Variants in CENPP observed in about 807,000 individuals in gnomAD.
CENPP encodes the protein centromere protein P.
Under a neutral mutation model 35.6 loss-of-function variants are expected in CENPP, and 24 were observed. That is an observed-to-expected ratio of 0.67 (90% CI 0.49 to 0.95). CENPP has a LOEUF of 0.95. Among genes scored for constraint, CENPP ranks in the 40% least tolerant of loss-of-function variants. The pLI is 0.00. For synonymous variants in CENPP, 120 were observed against 125.5 expected, an observed-to-expected ratio of 0.96 and a Z score of 0.29; for missense variants, 332 against 345.3, an observed-to-expected ratio of 0.96 and a Z score of 0.31.
chr9:92,432,303 C>T (rs1301373802), intron 5 of CENPP, among the ~76,000 whole-genome samples: 2 of 150,328 alleles, frequency 1.3e-5, no homozygotes, highest in Admixed American at 6.6e-5. Context: ...CCAGCCTGGG[C>T]GACAAGAGCG....
intron 5 of CENPP, among the ~76,000 whole-genome samples, chr9:92,421,402 A>G (rs1257234794): frequency 6.6e-6 from 1 of 152,206 alleles, no homozygotes. Context: ...TAATTTAATG[A>G]ATTAACATAT....
At chr9:92,352,503 G>GTATAAATA (rs1554753073) in intron 4 of CENPP, among the ~76,000 whole-genome samples, 1 of 68,996 alleles carries the variant, frequency 1.4e-5, no homozygotes, top group Non-Finnish European at 2.5e-5. Context: ...GTGTGTGTGT[G>GTATAAATA]TGTATACATA....
chr9:92,472,531 G>A (rs1041975144), intron 5 of CENPP, among the ~76,000 whole-genome samples: 12 of 151,606 alleles, frequency 7.9e-5, no homozygotes, highest in Non-Finnish European at 1.3e-4. Context: ...GGTGGTGTGC[G>A]CCTTTAATCC....
At chr9:92,448,401 C>G (rs565500800) in intron 5 of CENPP, among the ~76,000 whole-genome samples, 2 of 151,968 alleles carry the variant, frequency 1.3e-5, no homozygotes, top group Non-Finnish European at 2.9e-5. Flanking sequence ...TCCCAAGTAG[C>G]TGGGATTACA....
intron 5 of CENPP, among the ~76,000 whole-genome samples, chr9:92,482,896 C>A (rs1009319381): frequency 1.3e-5 from 2 of 151,632 alleles, no homozygotes; most frequent in African/African-American, 4.8e-5. Flanking sequence ...TTGCATTATG[C>A]ATACTTCTCC....
intron 5 of CENPP, among the ~76,000 whole-genome samples, chr9:92,551,969 ATATATATGTGTGTG>A (rs776110052): frequency 0.32 from 36,356 of 112,386 alleles, 10,370 homozygotes; most frequent in African/African-American, 0.67. Context: ...TATATGTGTG[ATATATATGTGTGTG>A]TATATATGTG....
At chr9:92,434,811 A>G (rs1024476671) in intron 5 of CENPP, among the ~76,000 whole-genome samples, 7 of 152,088 alleles carry the variant, frequency 4.6e-5, no homozygotes, top group African/African-American at 1.2e-4. Flanking sequence ...GGGAGCCTGA[A>G]GCGGACGGAT....
chr9:92,470,601 A>G (rs1845475211), intron 5 of CENPP: 1 of 840,372 alleles, frequency 1.2e-6, no homozygotes, highest in Admixed American at 3.2e-5. Flanking sequence ...ACATAGTATA[A>G]TTAATCATTA....
intron 5 of CENPP, among the ~76,000 whole-genome samples, chr9:92,599,741 T>C (rs972094300): frequency 6.6e-6 from 1 of 152,126 alleles, no homozygotes. Context: ...TTAATCTGCT[T>C]TCCTCCTGTT....
chr9:92,361,128 CTTTATTTATTTA>C (rs536927713), intron 4 of CENPP, among the ~76,000 whole-genome samples: 21 of 150,478 alleles, frequency 1.4e-4, no homozygotes, highest in African/African-American at 4.1e-4. Flanking sequence ...TATTATTTTA[CTTTATTTATTTA>C]TTTATTTATT....
rs1338574611 is a variant in CENPP, at chr9:92,618,878, G to C, written c.*5729G>C. On this transcript the variant is annotated 3_prime_UTR_variant, in exon 8 of 8. Transcript: ENST00000375587. ...ATGTGGAACATTCCGCAAATACTGG[G>C]TGCAGGGTTTAGCACCCCTGAAGAT... is the stretch of plus-strand genomic sequence containing the variant. 1 of 341,784 alleles carries C rather than the reference G, an allele frequency of 2.9e-6. No homozygotes were observed. The highest frequency in any genetic ancestry group is 7.6e-5 in the East Asian group (1 of 13,088). The allele number at this position is 341,784 out of a possible 1,614,324, so 21.2% of individuals were successfully genotyped here.
chr9:92,424,845 C>T (rs190472641), intron 5 of CENPP, among the ~76,000 whole-genome samples: 2 of 151,964 alleles, frequency 1.3e-5, no homozygotes, highest in Admixed American at 6.6e-5. Context: ...TGGCTAATTT[C>T]TTGTATTTTT....
chr9:92,522,428 C>A, intron 5 of CENPP: 1 of 963,356 alleles, frequency 1.0e-6, no homozygotes. Flanking sequence ...GTAGATTAAA[C>A]CAAAAAGTAA....
chr9:92,545,527 T>G (rs1171155462), intron 5 of CENPP, among the ~76,000 whole-genome samples: 1 of 91,258 alleles, frequency 1.1e-5, no homozygotes, highest in Non-Finnish European at 2.0e-5. Context: ...AGACTGAGCC[T>G]CCCGCCCCGC....
In CENPP at chr9:92,613,109, A is replaced by G; in HGVS notation, c.827A>G (p.Glu276Gly). ...VGLLGIEAAL[E>G]SLIKSLCAEE... Reference sequence around the variant, plus strand: ...CTGCTTGGAATCGAAGCTGCTCTGGAAAGCCTGATAAAATCGCTTTGTGCA... The same window carrying G: ...CTGCTTGGAATCGAAGCTGCTCTGGGAAGCCTGATAAAATCGCTTTGTGCA... The change falls in exon 8 of 8, where the codon GAA (glutamate) becomes GGA (glycine). Residue 276 changes from glutamate to glycine, a missense_variant. By Grantham distance (98) the Glu-to-Gly change is moderately conservative. Transcript: ENST00000375587. The G allele has an allele frequency of 6.2e-7, 1 of 1,614,226 alleles. No individual in the cohort carries two copies.
intron 5 of CENPP, among the ~76,000 whole-genome samples, chr9:92,506,593 C>T (rs958904218): frequency 4.6e-5 from 7 of 152,124 alleles, no homozygotes; most frequent in African/African-American, 1.2e-4. Context: ...TGTGGGACTC[C>T]GTTCTGCTCT....
In CENPP at chr9:92,332,199, AT is replaced by A. The variant is rs747868433; in HGVS notation, c.140del (p.Leu47TrpfsTer10). ...QKSFQAIHQF[N>X]LEGWKSSKDL... Reference sequence around the variant, plus strand: ...TCTTTTCAAGCCATACACCAATTCAATTTGGAAGGATGGAAGTCTTCAAAAG... The same window carrying A: ...TCTTTTCAAGCCATACACCAATTCAATTGGAAGGATGGAAGTCTTCAAAAG... On this transcript the variant is annotated frameshift_variant, in exon 2 of 8. Transcript: ENST00000375587. LOFTEE classifies it high-confidence loss of function. 1.2e-6 allele frequency: 2 copies of A among 1,605,814 alleles called. No individual in the cohort carries two copies. The highest frequency in any genetic ancestry group is 2.7e-5 in the African/African-American group (2 of 74,450).
chr9:92,559,770 G>A (rs996030291), intron 5 of CENPP, among the ~76,000 whole-genome samples: 1 of 152,022 alleles, frequency 6.6e-6, no homozygotes, highest in Non-Finnish European at 1.5e-5. Flanking sequence ...CAAAGTTTTG[G>A]GATTACAGGC....
At chr9:92,432,735 T>C (rs1844145246) in intron 5 of CENPP, among the ~76,000 whole-genome samples, 1 of 152,252 alleles carries the variant, frequency 6.6e-6, no homozygotes, top group African/African-American at 2.4e-5. Flanking sequence ...AAGTTTCTTC[T>C]ACAATGACTG....
Sources: gnomAD v4.1 joint callset for allele counts (sites outside exome capture counted in the v4.1 genomes callset) on GRCh38, gnomAD v4.1.1 for gene constraint, MANE v1.5 for transcripts, NCBI Gene and HGNC (gene_info 2026-07-23, HGNC 2026-07-21) for gene names.